The following DIP2C variants were observed in gnomAD, a reference collection of about 807,000 sequenced individuals.
DIP2C encodes the protein DIP2 acetate--CoA ligase C (putative).
DIP2C carries 33 observed loss-of-function variants against 192.4 expected under a neutral mutation model. The observed-to-expected ratio is 0.17, with a 90% CI of 0.13 to 0.23. DIP2C has a LOEUF of 0.23. Among genes scored for constraint, DIP2C ranks in the 10% least tolerant of loss-of-function variants. The probability of loss-of-function intolerance (pLI) is 1.00; values close to 1 mark genes in which losing one functional copy is unlikely to be tolerated. For missense variants in DIP2C, 1,537 were observed against 2,110.1 expected, an observed-to-expected ratio of 0.73 and a Z score of 5.32; for synonymous variants, 979 against 864.1, an observed-to-expected ratio of 1.13 and a Z score of -2.33.
intron 1 of DIP2C, among the ~76,000 whole-genome samples, chr10:598,611 G>A (rs1759940080): frequency 6.6e-6 from 1 of 152,018 alleles, no homozygotes; most frequent in African/African-American, 2.4e-5. Flanking sequence ...AGCTTCAGAG[G>A]CTGCTTCCTC....
chr10:350,493 CTCT>C (rs1248901861), intron 24 of DIP2C, among the ~76,000 whole-genome samples: 4 of 151,976 alleles, frequency 2.6e-5, no homozygotes, highest in Non-Finnish European at 5.9e-5. Context: ...ATTTAACAAC[CTCT>C]TCTTTGTGAT....
intron 1 of DIP2C, among the ~76,000 whole-genome samples, chr10:520,031 C>T (rs1325570342): frequency 5.3e-5 from 8 of 152,230 alleles, no homozygotes; most frequent in South Asian, 4.1e-4. Flanking sequence ...CCAGAGCCAA[C>T]GGAGGCCCCC....
chr10:599,824 C>CA (rs1345908362), intron 1 of DIP2C, among the ~76,000 whole-genome samples: 3 of 152,206 alleles, frequency 2.0e-5, no homozygotes, highest in Non-Finnish European at 4.4e-5. Context: ...TAAGCATGAA[C>CA]AGACTTTCCT....
chr10:644,082 T>C (rs1366815137), intron 1 of DIP2C, among the ~76,000 whole-genome samples: 6 of 152,224 alleles, frequency 3.9e-5, no homozygotes, highest in African/African-American at 9.6e-5. Context: ...TGAAACAATC[T>C]AGAAGGTCAG....
chr10:325,444 G>A (rs1201357983), intron 31 of DIP2C, among the ~76,000 whole-genome samples: 2 of 152,250 alleles, frequency 1.3e-5, no homozygotes, highest in East Asian at 3.9e-4. Context: ...TCCCTTCAGC[G>A]CCACCTTGAC....
rs1647557562 is a variant in DIP2C, at chr10:415,666, A to G, written c.859+103T>C. 5.3e-6 allele frequency: 8 copies of G among 1,496,966 alleles called. No individual in the cohort carries two copies. In the Admixed American group the frequency reaches 1.5e-4, roughly 28 times the overall value. The allele number at this position is 1,496,966 out of a possible 1,614,324, so 92.7% of individuals were successfully genotyped here. ...TTCCCATCATGCGGCAAATGCCACG[A>G]TTACTGCTCTTAAAAAGTAAAATAG... On this transcript the variant is annotated intron_variant, in intron 7 of 36. Coordinates refer to ENST00000280886, the MANE Select transcript of DIP2C (RefSeq NM_014974.3).
intron 1 of DIP2C, among the ~76,000 whole-genome samples, chr10:688,885 C>A (rs2119123307): frequency 6.6e-6 from 1 of 152,304 alleles, no homozygotes; most frequent in African/African-American, 2.4e-5. Context: ...CGCCCGCGAA[C>A]AATGGGGGTG....
chr10:368,476 GGGATGCT>G (rs2132770802), intron 18 of DIP2C, among the ~76,000 whole-genome samples: 1 of 152,348 alleles, frequency 6.6e-6, no homozygotes, highest in South Asian at 2.1e-4. Flanking sequence ...CAGAGCTGCG[GGGATGCT>G]GGAGGGCGTC....
chr10:431,139 G>C (rs183899982), intron 4 of DIP2C, among the ~76,000 whole-genome samples: 1 of 152,134 alleles, frequency 6.6e-6, no homozygotes, highest in South Asian at 2.1e-4. Context: ...AAGTTGCATA[G>C]TGTCAGTCTT....
chr10:337,698 G>T (rs1460420071), intron 29 of DIP2C, among the ~76,000 whole-genome samples: 1 of 151,498 alleles, frequency 6.6e-6, no homozygotes, highest in Admixed American at 6.6e-5. Context: ...AGGCAGCTGT[G>T]TGTGTGTTGT....
Position 415,869 on chromosome 10 carries a change from C to A in DIP2C, c.759G>T (p.Arg253=), listed in dbSNP as rs1965594811. ...ETGDGVPVSS[R]VSAKIQQLVN... ...CAAGCTGCTGGATTTTTGCTGACAC[C>A]CGGCTACTTACTGGTACTCCTGAAA... The change falls in exon 7 of 37, where the codon CGG becomes CGT. Residue 253 remains arginine, a synonymous_variant. Coordinates refer to ENST00000280886, the MANE Select transcript of DIP2C (RefSeq NM_014974.3). The A allele has an allele frequency of 1.2e-6, 2 of 1,613,606 alleles. No homozygotes were observed.
At chr10:431,670 A>G (rs773327597) in intron 4 of DIP2C, among the ~76,000 whole-genome samples, 1 of 152,228 alleles carries the variant, frequency 6.6e-6, no homozygotes, top group Non-Finnish European at 1.5e-5. Context: ...TCTTCTACAT[A>G]GGCAAACATG....
At chr10:359,717 G>A (rs978081467) in intron 22 of DIP2C, among the ~76,000 whole-genome samples, 1 of 152,110 alleles carries the variant, frequency 6.6e-6, no homozygotes, top group Non-Finnish European at 1.5e-5. Context: ...CACAACACCC[G>A]GGAGACCCTC....
Position 347,861 on chromosome 10 carries a change from TCGCGCATAGCTCTCCCGGAAACCC to T in DIP2C, c.3231+756_3231+779del, listed in dbSNP as rs1564594756. ...GAAACCCCACACGCACCCAGACGCGTCGCGCATAGCTCTCCCGGAAACCCCACACGCACCCAGACGCGTCGCGCA... is the reference window on the plus strand; with the variant it reads ...GAAACCCCACACGCACCCAGACGCGTCACACGCACCCAGACGCGTCGCGCA... On this transcript the variant is annotated intron_variant, in intron 26 of 36. Coordinates refer to ENST00000280886, the MANE Select transcript of DIP2C (RefSeq NM_014974.3). Among the ~76,000 whole-genome samples the T allele has an allele frequency of 1.5e-3, 150 of 100,228 alleles. 3 individuals are homozygous for T. The highest frequency in any genetic ancestry group is 0.012 in the East Asian group (39 of 3,346). 65.8% of individuals were successfully genotyped at this position (100,228 alleles called of 152,430 possible). A position where few individuals can be genotyped will look rare whatever the true frequency, so the allele number is the denominator to read the frequency against.
intron 17 of DIP2C, among the ~76,000 whole-genome samples, chr10:378,239 C>T (rs1961869070): frequency 6.6e-6 from 1 of 152,186 alleles, no homozygotes; most frequent in Non-Finnish European, 1.5e-5. Flanking sequence ...CTTTAAATGC[C>T]TAGGTGAAAA....
At chr10:605,470 C>T (rs963622679) in intron 1 of DIP2C, among the ~76,000 whole-genome samples, 2 of 152,216 alleles carry the variant, frequency 1.3e-5, no homozygotes, top group African/African-American at 4.8e-5. Context: ...ATAAGATCAA[C>T]TGATGCCCGC....
At chr10:614,900 G>A (rs1416317351) in intron 1 of DIP2C, among the ~76,000 whole-genome samples, 1 of 152,198 alleles carries the variant, frequency 6.6e-6, no homozygotes, top group Admixed American at 6.5e-5. Context: ...GAAGAACTGG[G>A]TTGGCCCTGA....
chr10:649,650 CG>C (rs1225245758), intron 1 of DIP2C, among the ~76,000 whole-genome samples: 10 of 152,126 alleles, frequency 6.6e-5, no homozygotes, highest in Non-Finnish European at 1.0e-4. Flanking sequence ...TGGGGGAAGT[CG>C]GAAGTCAGAA....
chr10:444,517 T>C (rs1375652552), intron 3 of DIP2C, among the ~76,000 whole-genome samples: 6 of 134,976 alleles, frequency 4.4e-5, no homozygotes, highest in South Asian at 2.5e-4. Context: ...GAGGAGTGTT[T>C]CTTGGTGCTC....
Sources: allele counts gnomAD v4.1 joint callset (sites outside exome capture counted in the v4.1 genomes callset), GRCh38; gene constraint gnomAD v4.1.1; transcripts MANE v1.5; gene names NCBI Gene and HGNC (gene_info 2026-07-23, HGNC 2026-07-21).